Variants in GALNT14 observed in about 807,000 individuals in gnomAD.
GALNT14 encodes the protein polypeptide N-acetylgalactosaminyltransferase 14, also known as UDP-GalNAc:polypeptide N-acetylgalactosaminyltransferase 14.
A neutral mutation model predicts 77.5 loss-of-function variants in GALNT14; 60 were observed. The observed-to-expected ratio is 0.77, with a 90% confidence interval of 0.63 to 0.96. The LOEUF is 0.96. GALNT14 is among the 40% of genes least tolerant of loss of function. The probability of loss-of-function intolerance (pLI) is 0.00; values close to 1 mark genes in which losing one functional copy is unlikely to be tolerated. For missense variants in GALNT14, 710 were observed against 731.0 expected, an observed-to-expected ratio of 0.97 and a Z score of 0.33; for synonymous variants, 280 against 281.7, an observed-to-expected ratio of 0.99 and a Z score of 0.06.
downstream of GALNT14, among the ~76,000 whole-genome samples, chr2:30,908,100 T>C (rs1664192532): frequency 7.7e-6 from 1 of 130,176 alleles, no homozygotes; most frequent in Non-Finnish European, 1.6e-5. Context: ...CCACAGCCAA[T>C]ATCATACTGA....
intron 2 of GALNT14, among the ~76,000 whole-genome samples, chr2:30,979,775 A>G (rs1332369265): frequency 6.6e-6 from 1 of 152,010 alleles, no homozygotes; most frequent in Admixed American, 6.6e-5. Flanking sequence ...CTGGGGCCTC[A>G]CGTGGCCCTC....
At chr2:31,072,171 T>C (rs916562305) in intron 1 of GALNT14, among the ~76,000 whole-genome samples, 7 of 151,430 alleles carry the variant, frequency 4.6e-5, no homozygotes, top group Non-Finnish European at 8.8e-5. Context: ...GGTGCAGAGG[T>C]GGAGGGCGAG....
chr2:31,020,639 C>T (rs1406852622), intron 1 of GALNT14, among the ~76,000 whole-genome samples: 1 of 152,190 alleles, frequency 6.6e-6, no homozygotes, highest in Non-Finnish European at 1.5e-5. Flanking sequence ...TCCCCAAGCC[C>T]AGTCCCCCTT....
intron 1 of GALNT14, among the ~76,000 whole-genome samples, chr2:31,085,038 A>G (rs963301865): frequency 3.3e-5 from 5 of 151,926 alleles, no homozygotes; most frequent in Non-Finnish European, 5.9e-5. Flanking sequence ...AAAAAAAAAA[A>G]AGTAACATGT....
chr2:30,961,705 G>A (rs1667701900), intron 3 of GALNT14, among the ~76,000 whole-genome samples: 1 of 150,412 alleles, frequency 6.6e-6, no homozygotes, highest in Non-Finnish European at 1.5e-5. Context: ...TTTTGAGATG[G>A]AGTTTCACTG....
At chr2:31,058,489 T>C (rs181121995) in intron 1 of GALNT14, among the ~76,000 whole-genome samples, 2 of 152,122 alleles carry the variant, frequency 1.3e-5, no homozygotes, top group Non-Finnish European at 2.9e-5. Flanking sequence ...GTCAGAATCA[T>C]CTAGGGAAGG....
Position 30,912,317 on chromosome 2 carries a change from T to C in GALNT14, c.1406A>G (p.Gln469Arg). 6.2e-7 allele frequency: 1 copy of C among 1,614,162 alleles called. No homozygotes were observed. The highest frequency in any genetic ancestry group is 8.5e-7 in the Non-Finnish European group (1 of 1,180,004). Residue 469 changes from glutamine (Q) to arginine (R), a missense_variant, in exon 14 of 15, where the codon CAG becomes CGG. Coordinates refer to ENST00000349752, the MANE Select transcript of GALNT14 (RefSeq NM_024572.4). Reference protein sequence around the residue: ...SQVWAFTYTQQILQEELCLSV... With the variant: ...SQVWAFTYTQRILQEELCLSV... ...CAGGCACAGCTCCTCCTGGAGGATC[T>C]GCTGGGTGTATGTGAAGGCCCATAC...
chr2:31,052,593 C>A (rs1490588229), intron 1 of GALNT14, among the ~76,000 whole-genome samples: 2 of 152,136 alleles, frequency 1.3e-5, no homozygotes, highest in Non-Finnish European at 2.9e-5. Context: ...CACTCTAGCT[C>A]CTGCCCTCAG....
intron 1 of GALNT14, among the ~76,000 whole-genome samples, chr2:31,007,903 G>T (rs576992631): frequency 6.6e-6 from 1 of 152,166 alleles, no homozygotes; most frequent in Admixed American, 6.5e-5. Flanking sequence ...GCCTTCCTAT[G>T]CCCTTGCCCT....
chr2:30,979,674 G>A (rs892125939), intron 2 of GALNT14, among the ~76,000 whole-genome samples: 2 of 152,168 alleles, frequency 1.3e-5, no homozygotes, highest in Non-Finnish European at 2.9e-5. Context: ...CACTAGGCCA[G>A]TGGGACCCTC....
chr2:31,124,611 GT>G (rs1200686755), intron 1 of GALNT14, among the ~76,000 whole-genome samples: 1 of 152,088 alleles, frequency 6.6e-6, no homozygotes, highest in Admixed American at 6.6e-5. Flanking sequence ...TTCAGGCACT[GT>G]TTTTTTGTTT....
intron 1 of GALNT14, among the ~76,000 whole-genome samples, chr2:31,017,989 G>A (rs766403047): frequency 9.8e-5 from 15 of 152,314 alleles, no homozygotes; most frequent in East Asian, 1.9e-4. Flanking sequence ...ACAGGGCCTC[G>A]GCCTTGGGGG....
At chr2:31,078,986 G>A in intron 1 of GALNT14, 5 of 1,289,266 alleles carry the variant, frequency 3.9e-6, no homozygotes, top group Non-Finnish European at 5.1e-6. Context: ...AGGGAGAGCA[G>A]GGGAGCTACA....
At chr2:30,999,796 T>C (rs1257822914) in intron 1 of GALNT14, among the ~76,000 whole-genome samples, 1 of 152,236 alleles carries the variant, frequency 6.6e-6, no homozygotes, top group Non-Finnish European at 1.5e-5. Flanking sequence ...CATATTTCCA[T>C]GGAAGAGTTA....
chr2:30,900,651 C>A, the GALNT14 span, among the ~76,000 whole-genome samples: 6 of 152,096 alleles, frequency 3.9e-5, no homozygotes, highest in African/African-American at 1.4e-4. Context: ...GCTCCCTTTC[C>A]CCCACATATA....
chr2:31,099,619 G>A (rs1360001593), intron 1 of GALNT14, among the ~76,000 whole-genome samples: 5 of 151,800 alleles, frequency 3.3e-5, no homozygotes, highest in South Asian at 2.1e-4. Context: ...TCACCCACAG[G>A]GCTACCAGAT....
intron 6 of GALNT14, among the ~76,000 whole-genome samples, chr2:30,949,755 T>C (rs1666914155): frequency 6.6e-6 from 1 of 152,222 alleles, no homozygotes; most frequent in South Asian, 2.1e-4. Context: ...GAGCACCTAC[T>C]ATGATTTAGG....
At chr2:31,068,203 T>C (rs925687810) in intron 1 of GALNT14, among the ~76,000 whole-genome samples, 8 of 152,112 alleles carry the variant, frequency 5.3e-5, no homozygotes, top group African/African-American at 1.9e-4. Context: ...AGGTCCATAA[T>C]TGGCTGGGTG....
intron 1 of GALNT14, among the ~76,000 whole-genome samples, chr2:31,017,832 T>C (rs1369681629): frequency 6.6e-6 from 1 of 152,252 alleles, no homozygotes; most frequent in East Asian, 1.9e-4. Context: ...AAAGGGGATT[T>C]AATGATCAGC....
Sources: allele counts gnomAD v4.1 joint callset (sites outside exome capture counted in the v4.1 genomes callset), GRCh38; gene constraint gnomAD v4.1.1; transcripts MANE v1.5; gene names NCBI Gene and HGNC (gene_info 2026-07-23, HGNC 2026-07-21).